USP17L1: variants seen among roughly 807,000 people sequenced by gnomAD.
USP17L1 encodes ubiquitin specific peptidase 17 like family member 1.
In USP17L1, 42 loss-of-function variants were observed where a neutral mutation model predicts 31.4. The ratio of observed to expected loss-of-function variants is 1.34; its 90% CI spans 1.05 to 1.73. USP17L1 has a LOEUF of 1.73. USP17L1 is among the 40% of genes most tolerant of loss of function. The pLI is 0.00. For synonymous variants in USP17L1, 230 were observed against 194.4 expected (o/e 1.18, Z -1.52); for missense variants, 576 against 495.8 (o/e 1.16, Z -1.54).
chr8:7,333,528 A>C lies in USP17L1; in HGVS notation c.1142A>C (p.His381Pro), dbSNP rs760413729. The change falls in exon 1 of 1, where the codon CAC becomes CCC. Residue 381 changes from histidine to proline, a missense_variant. By Grantham distance (77) the His-to-Pro change is moderately conservative (BLOSUM62 -2). Transcript: ENST00000529559. ...FYIQKSEWER[H>P]SESVSRGREP... ...ATCCAGAAGAGTGAATGGGAAAGACACAGTGAGAGTGTGTCAAGAGGCAGG... is the reference window on the plus strand; with the variant it reads ...ATCCAGAAGAGTGAATGGGAAAGACCCAGTGAGAGTGTGTCAAGAGGCAGG... 9 of 1,506,276 alleles carry C rather than the reference A, an allele frequency of 6.0e-6. No individual in the cohort carries two copies. The highest frequency in any genetic ancestry group is 6.3e-6 in the Non-Finnish European group (7 of 1,111,084). 93.3% of individuals were successfully genotyped at this position (1,506,276 alleles called of 1,614,324 possible).
rs751402612 is a variant in USP17L1, at chr8:7,333,445, G to A, written c.1059G>A (p.Glu353=). 5.7e-6 allele frequency: 9 copies of A among 1,569,190 alleles called. No homozygotes were observed. Among genetic ancestry groups the A allele is most frequent in the South Asian group, 1.1e-5 (1 of 89,828 alleles). The change falls in exon 1 of 1, where the codon GAG becomes GAA. Residue 353 remains glutamate, a synonymous_variant. Transcript: ENST00000529559. ...AGTGGTATAAAATGGATGATGCCGA[G>A]GTCACTGTCTGTAGCATCATTTCTG... ...EVQWYKMDDA[E]VTVCSIISVL...
Position 7,332,779 on chromosome 8 carries a change from C to T in USP17L1, c.393C>T (p.His131=). 1 of 635,214 alleles carries T rather than the reference C, an allele frequency of 1.6e-6. No homozygotes were observed. The highest frequency in any genetic ancestry group is 2.6e-6 in the Non-Finnish European group (1 of 383,938). The allele number at this position is 635,214 out of a possible 1,614,324, so 39.3% of individuals were successfully genotyped here. ...GCATGCTCTGTACTATGCAAGCTCA[C>T]ATCACATGGGCCCTCCACAGTCCTG... ...KCCMLCTMQA[H]ITWALHSPGH... is the part of the protein sequence containing the mutation. Residue 131 remains histidine (H), a synonymous_variant, in exon 1 of 1, where the codon CAC becomes CAT. Coordinates refer to ENST00000529559, the MANE Select transcript of USP17L1 (RefSeq NM_001256873.1).
rs1804231538 is a variant in USP17L1 at position 7,333,758 on chromosome 8, A to C, written c.1372A>C (p.Thr458Pro). The C allele has an allele frequency of 1.3e-6, 2 of 1,571,020 alleles. No individual in the cohort carries two copies. Among genetic ancestry groups the C allele is most frequent in the Non-Finnish European group, 1.7e-6 (2 of 1,164,718 alleles). ...GTTCAACGTCGGAAAAGTCGAAGGT[A>C]CCCTGCCTCCCAACGCACTTGTGAT... ...PEFNVGKVEG[T>P]LPPNALVIHQ... is the part of the protein sequence containing the mutation. Residue 458 changes from threonine to proline, a missense_variant, in exon 1 of 1, where the codon ACC becomes CCC. Thr to Pro is a conservative substitution (Grantham distance 38). Coordinates refer to ENST00000529559, the MANE Select transcript of USP17L1 (RefSeq NM_001256873.1).
Position 7,332,612 on chromosome 8 carries a change from G to T in USP17L1, c.226G>T (p.Ala76Ser). The change falls in exon 1 of 1, where the codon GCT becomes TCT. Residue 76 changes from alanine (A) to serine (S), a missense_variant. Physicochemically the swap from Ala to Ser is moderately conservative, Grantham distance 99 (BLOSUM62 1). Coordinates refer to ENST00000529559, the MANE Select transcript of USP17L1 (RefSeq NM_001256873.1). ...GCTTCCTCTGAGTAGCAGGAGACCTGCTGCGGTGGGGGCTGGGCTCCAGAA... is the reference window on the plus strand; with the variant it reads ...GCTTCCTCTGAGTAGCAGGAGACCTTCTGCGGTGGGGGCTGGGCTCCAGAA... ...EKLPLSSRRP[A>S]AVGAGLQNMG... is the part of the protein sequence containing the mutation. The T allele has an allele frequency of 4.0e-6, 2 of 500,448 alleles. No individual in the cohort carries two copies. Among genetic ancestry groups the T allele is most frequent in the Non-Finnish European group, 6.7e-6 (2 of 299,608 alleles). The allele number at this position is 500,448 out of a possible 1,614,324, so 31.0% of individuals were successfully genotyped here.
Position 7,333,965 on chromosome 8 carries a change from C to T in USP17L1, c.1579C>T (p.Leu527Phe), listed in dbSNP as rs776726062. 1.9e-6 allele frequency: 3 copies of T among 1,582,930 alleles called. No individual in the cohort carries two copies. Among genetic ancestry groups the T allele is most frequent in the South Asian group, 1.1e-5 (1 of 89,962 alleles). The change falls in exon 1 of 1, where the codon CTT becomes TTT. Residue 527 changes from leucine (L) to phenylalanine (F), a missense_variant. Leu to Phe is a conservative substitution (Grantham distance 22). Coordinates refer to ENST00000529559, the MANE Select transcript of USP17L1 (RefSeq NM_001256873.1). Reference protein sequence around the residue: ...GKNKHSKRALLVCQ With the variant: ...GKNKHSKRALFVCQ Reference sequence around the variant, plus strand: ...GAACAAACACAGCAAGAGGGCTCTGCTTGTGTGCCAGTGATCTCAGTGGAA... The same window carrying T: ...GAACAAACACAGCAAGAGGGCTCTGTTTGTGTGCCAGTGATCTCAGTGGAA...
In USP17L1 at chr8:7,333,774, C is replaced by T. The variant is rs201803133; in HGVS notation, c.1388C>T (p.Ala463Val). 1,670 of 1,496,786 alleles carry T rather than the reference C, an allele frequency of 1.1e-3. 152 individuals carry two copies. In the South Asian group the frequency reaches 0.017, roughly 15 times the overall value. 92.7% of individuals were successfully genotyped at this position (1,496,786 alleles called of 1,614,324 possible). A position where few individuals can be genotyped will look rare whatever the true frequency, so the allele number is the denominator to read the frequency against. The change falls in exon 1 of 1, where the codon GCA becomes GTA. Residue 463 changes from alanine (A) to valine (V), a missense_variant. Ala to Val is a moderately conservative substitution (Grantham distance 64). Coordinates refer to ENST00000529559, the MANE Select transcript of USP17L1 (RefSeq NM_001256873.1). ...GKVEGTLPPN[A>V]LVIHQSKYKC... ...GTCGAAGGTACCCTGCCTCCCAACGCACTTGTGATTCATCAATCAAAATAC... is the reference window on the plus strand; with the variant it reads ...GTCGAAGGTACCCTGCCTCCCAACGTACTTGTGATTCATCAATCAAAATAC...
chr8:7,332,765 A>G lies in USP17L1; in HGVS notation c.379A>G (p.Thr127Ala), dbSNP rs1341093695. Reference sequence around the variant, plus strand: ...GCGTCCCAAGTGCTGCATGCTCTGTACTATGCAAGCTCACATCACATGGGC... The same window carrying G: ...GCGTCCCAAGTGCTGCATGCTCTGTGCTATGCAAGCTCACATCACATGGGC... Reference protein sequence around the residue: ...CQRPKCCMLCTMQAHITWALH... With the variant: ...CQRPKCCMLCAMQAHITWALH... The change falls in exon 1 of 1, where the codon ACT becomes GCT. Residue 127 changes from threonine (T) to alanine (A), a missense_variant. Physicochemically the swap from Thr to Ala is moderately conservative, Grantham distance 58 (BLOSUM62 0). Transcript: ENST00000529559. The G allele has an allele frequency of 1.6e-6, 1 of 621,974 alleles. No homozygotes were observed. Among genetic ancestry groups the G allele is most frequent in the Non-Finnish European group, 2.7e-6 (1 of 373,842 alleles). 38.5% of individuals were successfully genotyped at this position (621,974 alleles called of 1,614,324 possible).
rs778341989 is a variant in USP17L1 at position 7,333,740 on chromosome 8, G to T, written c.1354G>T (p.Val452Phe). The T allele has an allele frequency of 1.3e-6, 2 of 1,583,142 alleles. No individual in the cohort carries two copies. The highest frequency in any genetic ancestry group is 4.5e-5 in the East Asian group (2 of 44,434). Residue 452 changes from valine (V) to phenylalanine (F), a missense_variant, in exon 1 of 1, where the codon GTC becomes TTC. Coordinates refer to ENST00000529559, the MANE Select transcript of USP17L1 (RefSeq NM_001256873.1). ...EQNKTKPEFN[V>F]GKVEGTLPPN... ...AAACAAAACGAAGCCTGAGTTCAAC[G>T]TCGGAAAAGTCGAAGGTACCCTGCC...
Position 7,333,139 on chromosome 8 carries a change from C to T in USP17L1, c.753C>T (p.Ala251=). 3 of 793,958 alleles carry T rather than the reference C, an allele frequency of 3.8e-6. No individual in the cohort carries two copies. Among genetic ancestry groups the T allele is most frequent in the South Asian group, 1.4e-5 (1 of 70,352 alleles). The allele number at this position is 793,958 out of a possible 1,614,324, so 49.2% of individuals were successfully genotyped here. Residue 251 remains alanine (A), a synonymous_variant, in exon 1 of 1, where the codon GCC becomes GCT. Coordinates refer to ENST00000529559, the MANE Select transcript of USP17L1 (RefSeq NM_001256873.1). ...VKPEELNGEN[A]YHCGLCLQRA... ...CCGAAGAACTCAATGGAGAGAATGC[C>T]TATCATTGCGGTCTTTGTCTCCAGA...
rs753037464 is a variant in USP17L1, at chr8:7,333,160, C to G, written c.774C>G (p.Leu258=). 4 of 781,474 alleles carry G rather than the reference C, an allele frequency of 5.1e-6. No homozygotes were observed. The highest frequency in any genetic ancestry group is 6.1e-6 in the Non-Finnish European group (3 of 489,708). The allele number at this position is 781,474 out of a possible 1,614,324, so 48.4% of individuals were successfully genotyped here. The change falls in exon 1 of 1, where the codon CTC becomes CTG. Residue 258 remains leucine, a synonymous_variant. Transcript: ENST00000529559. ...ATGCCTATCATTGCGGTCTTTGTCTCCAGAGGGCGCCGGCCTCCAACACGT... is the reference window on the plus strand; with the variant it reads ...ATGCCTATCATTGCGGTCTTTGTCTGCAGAGGGCGCCGGCCTCCAACACGT... The part of the protein sequence containing the change: ...GENAYHCGLC[L]QRAPASNTLT...
chr8:7,333,716 A>G lies in USP17L1; in HGVS notation c.1330A>G (p.Asn444Asp), dbSNP rs1218245818. ...CCACTGGAAATTCCTGCAAGAGCAA[A>G]ACAAAACGAAGCCTGAGTTCAACGT... ...LDHWKFLQEQNKTKPEFNVGK... is the reference protein window; with the variant it reads ...LDHWKFLQEQDKTKPEFNVGK... Residue 444 changes from asparagine to aspartate, a missense_variant, in exon 1 of 1, where the codon AAC becomes GAC. Physicochemically the swap from Asn to Asp is conservative, Grantham distance 23. Coordinates refer to ENST00000529559, the MANE Select transcript of USP17L1 (RefSeq NM_001256873.1). 6.3e-6 allele frequency: 10 copies of G among 1,586,792 alleles called. No individual in the cohort carries two copies. The highest frequency in any genetic ancestry group is 2.0e-4 in the Middle Eastern group (1 of 4,908).
Position 7,333,922 on chromosome 8 carries a change from C to T in USP17L1, c.1536C>T (p.Thr512=), listed in dbSNP as rs1239069006. ...TGTLASLQGR[T]RRAKGKNKHS... ...CACTCGCTTCTCTGCAAGGGAGGAC[C>T]AGGAGAGCCAAAGGGAAGAACAAAC... The change falls in exon 1 of 1, where the codon ACC becomes ACT. Residue 512 remains threonine (T), a synonymous_variant. Coordinates refer to ENST00000529559, the MANE Select transcript of USP17L1 (RefSeq NM_001256873.1). 2.6e-6 allele frequency: 4 copies of T among 1,547,368 alleles called. No homozygotes were observed. Among genetic ancestry groups the T allele is most frequent in the Non-Finnish European group, 3.5e-6 (4 of 1,146,680 alleles).
Position 7,333,561 on chromosome 8 carries a change from G to C in USP17L1, c.1175G>C (p.Arg392Thr). 1 of 1,471,562 alleles carries C rather than the reference G, an allele frequency of 6.8e-7. No homozygotes were observed. The highest frequency in any genetic ancestry group is 9.2e-7 in the Non-Finnish European group (1 of 1,081,780). 91.2% of individuals were successfully genotyped at this position (1,471,562 alleles called of 1,614,324 possible). ...AGTGTGTCAAGAGGCAGGGAACCAA[G>C]AGCCCTCGGCGCTGAAGACACAGAC... ...SESVSRGREP[R>T]ALGAEDTDRR... The change falls in exon 1 of 1, where the codon AGA (arginine) becomes ACA (threonine). Residue 392 changes from arginine to threonine, a missense_variant. Arg to Thr is a moderately conservative substitution (Grantham distance 71). Transcript: ENST00000529559.
In USP17L1 at chr8:7,333,724, G is replaced by C. The variant is rs1431445911; in HGVS notation, c.1338G>C (p.Thr446=). The C allele has an allele frequency of 3.2e-6, 5 of 1,586,074 alleles. 1 individual carries two copies. The African/African-American group carries it at 8.8e-5, about 28-fold the overall frequency. The change falls in exon 1 of 1, where the codon ACG becomes ACC. Residue 446 remains threonine (T), a synonymous_variant. Coordinates refer to ENST00000529559, the MANE Select transcript of USP17L1 (RefSeq NM_001256873.1). Reference sequence around the variant, plus strand: ...AATTCCTGCAAGAGCAAAACAAAACGAAGCCTGAGTTCAACGTCGGAAAAG... The same window carrying C: ...AATTCCTGCAAGAGCAAAACAAAACCAAGCCTGAGTTCAACGTCGGAAAAG... The part of the protein sequence containing the change: ...HWKFLQEQNK[T]KPEFNVGKVE...
the USP17L1 span, chr8:7,333,713 C>T: frequency 6.3e-7 from 1 of 1,586,896 alleles, no homozygotes; most frequent in South Asian, 1.1e-5. Context: ...CCTGCAAGAG[C>T]AAAACAAAAC....
chr8:7,333,666 G>A lies in USP17L1; in HGVS notation c.1280G>A (p.Arg427Lys), dbSNP rs766662551. ...APELDEHLVE[R>K]ATQESTLDHW... ...GAGTTGGACGAGCACTTGGTGGAAA[G>A]AGCCACTCAGGAAAGCACCTTAGAC... Residue 427 changes from arginine to lysine, a missense_variant, in exon 1 of 1, where the codon AGA becomes AAA. Coordinates refer to ENST00000529559, the MANE Select transcript of USP17L1 (RefSeq NM_001256873.1). 3.2e-6 allele frequency: 5 copies of A among 1,574,554 alleles called. No individual in the cohort carries two copies. Among genetic ancestry groups the A allele is most frequent in the East Asian group, 2.3e-5 (1 of 44,336 alleles).
chr8:7,333,711 A>C lies in USP17L1; in HGVS notation c.1325A>C (p.Glu442Ala). The change falls in exon 1 of 1, where the codon GAG (glutamate) becomes GCG (alanine). Residue 442 changes from glutamate (E) to alanine (A), a missense_variant. Glu to Ala is a moderately radical substitution (Grantham distance 107). Coordinates refer to ENST00000529559, the MANE Select transcript of USP17L1 (RefSeq NM_001256873.1). ...STLDHWKFLQ[E>A]QNKTKPEFNV... Reference sequence around the variant, plus strand: ...TTAGACCACTGGAAATTCCTGCAAGAGCAAAACAAAACGAAGCCTGAGTTC... The same window carrying C: ...TTAGACCACTGGAAATTCCTGCAAGCGCAAAACAAAACGAAGCCTGAGTTC... 1 of 1,587,182 alleles carries C rather than the reference A, an allele frequency of 6.3e-7. No individual in the cohort carries two copies.
chr8:7,333,717 A>G lies in USP17L1; in HGVS notation c.1331A>G (p.Asn444Ser). 2 of 1,586,872 alleles carry G rather than the reference A, an allele frequency of 1.3e-6. No homozygotes were observed. Among genetic ancestry groups the G allele is most frequent in the Non-Finnish European group, 1.7e-6 (2 of 1,176,208 alleles). The change falls in exon 1 of 1, where the codon AAC becomes AGC. Residue 444 changes from asparagine (N) to serine (S), a missense_variant. Coordinates refer to ENST00000529559, the MANE Select transcript of USP17L1 (RefSeq NM_001256873.1). ...CACTGGAAATTCCTGCAAGAGCAAA[A>G]CAAAACGAAGCCTGAGTTCAACGTC... ...LDHWKFLQEQ[N>S]KTKPEFNVGK...
chr8:7,333,148 C>A, the USP17L1 span: 2 of 780,810 alleles, frequency 2.6e-6, no homozygotes, highest in Non-Finnish European at 2.0e-6. Flanking sequence ...CCTATCATTG[C>A]GGTCTTTGTC....
Sources: allele counts gnomAD v4.1 joint callset, GRCh38; gene constraint gnomAD v4.1.1; transcripts MANE v1.5; gene names NCBI Gene and HGNC (gene_info 2026-07-23, HGNC 2026-07-21).